Variants in GPR158 observed in about 807,000 individuals in gnomAD.
The protein encoded by GPR158 is G protein-coupled receptor 158, also known as metabotropic glycine receptor.
In GPR158, 30 loss-of-function variants were observed where a neutral mutation model predicts 78.2. The observed-to-expected ratio is 0.38, with a 90% confidence interval of 0.29 to 0.52. GPR158 has a LOEUF of 0.52. Among genes scored for constraint, GPR158 ranks in the 20% least tolerant of loss-of-function variants. The pLI, the probability that GPR158 is intolerant of heterozygous loss-of-function variation, is 0.83. For missense variants in GPR158, 1,463 were observed against 1,523.5 expected (o/e 0.96, Z 0.66); for synonymous variants, 581 against 591.1 (o/e 0.98, Z 0.25).
At chr10:25,453,810 C>T (rs1759473344) in intron 4 of GPR158, among the ~76,000 whole-genome samples, 1 of 152,136 alleles carries the variant, frequency 6.6e-6, no homozygotes, top group Non-Finnish European at 1.5e-5. Flanking sequence ...TATGCCAGTG[C>T]CATGCTGTTT....
At chr10:25,530,899 A>G (rs555789386) in intron 5 of GPR158, among the ~76,000 whole-genome samples, 11 of 152,304 alleles carry the variant, frequency 7.2e-5, no homozygotes, top group Non-Finnish European at 1.3e-4. Flanking sequence ...CCATCCGAGC[A>G]GTAGACCATG....
chr10:25,461,775 C>T (rs1419944863), intron 4 of GPR158, among the ~76,000 whole-genome samples: 2 of 150,828 alleles, frequency 1.3e-5, no homozygotes, highest in South Asian at 2.1e-4. Context: ...CTCTGTTGCC[C>T]AGGCTGGAGT....
intron 5 of GPR158, among the ~76,000 whole-genome samples, chr10:25,467,450 C>T (rs964111524): frequency 2.6e-5 from 4 of 152,064 alleles, no homozygotes; most frequent in African/African-American, 7.2e-5. Flanking sequence ...CCACAAAGGA[C>T]GACTTTGCAG....
intron 1 of GPR158, among the ~76,000 whole-genome samples, chr10:25,187,324 A>T (rs1482945089): frequency 2.6e-5 from 4 of 152,160 alleles, no homozygotes; most frequent in Admixed American, 6.5e-5. Context: ...GCAGAGACAC[A>T]ATAAAAAAAG....
intron 4 of GPR158, among the ~76,000 whole-genome samples, chr10:25,432,588 T>C (rs1237473314): frequency 6.6e-6 from 1 of 152,230 alleles, no homozygotes; most frequent in East Asian, 1.9e-4. Context: ...AAAATACTTG[T>C]AAAATACTAA....
intron 7 of GPR158, among the ~76,000 whole-genome samples, chr10:25,585,690 TG>T (rs1564497979): frequency 6.6e-6 from 1 of 152,292 alleles, no homozygotes; most frequent in East Asian, 1.9e-4. Context: ...GACCAAGATT[TG>T]GAACGGGCCA....
intron 2 of GPR158, among the ~76,000 whole-genome samples, chr10:25,265,415 C>T (rs1854032587): frequency 6.6e-6 from 1 of 152,272 alleles, no homozygotes; most frequent in East Asian, 1.9e-4. Flanking sequence ...TGGCCATGTA[C>T]AGCAGAGTTC....
Position 25,350,657 on chromosome 10 carries a change from G to A in GPR158, c.1009-45254G>A, listed in dbSNP as rs148333902. 4.9e-3 allele frequency among the ~76,000 whole-genome samples: 752 copies of A among 152,034 alleles called. 10 individuals carry two copies. The highest frequency in any genetic ancestry group is 0.017 in the African/African-American group (692 of 41,514). ...TCTCCAGGGAGGGGTGTATTGGCAG[G>A]GAAGCTATACTTTCTTATTTTCTAA... On this transcript the variant is annotated intron_variant, in intron 2 of 10. Transcript: ENST00000376351.
rs140116555 is a variant in GPR158, at chr10:25,587,642, A to T, written c.1754-1365A>T. ...GATCCAATACAACTTGGCTGGAAAC[A>T]TTCATAGCATGGCCAAGGTCCACCA... is the stretch of plus-strand genomic sequence containing the variant. On this transcript the variant is annotated intron_variant, in intron 7 of 10. Coordinates refer to ENST00000376351, the MANE Select transcript of GPR158 (RefSeq NM_020752.3). Among the ~76,000 whole-genome samples, 822 of 152,322 alleles carry T rather than the reference A, an allele frequency of 5.4e-3. 3 individuals carry two copies. The highest frequency in any genetic ancestry group is 0.019 in the African/African-American group (777 of 41,568).
intron 2 of GPR158, among the ~76,000 whole-genome samples, chr10:25,302,266 AGT>A (rs1854610115): frequency 1.6e-5 from 2 of 124,464 alleles, no homozygotes; most frequent in East Asian, 5.0e-4. Flanking sequence ...TTGTATTTTT[AGT>A]GGAGACGGAG....
At chr10:25,571,391 G>C (rs1217211098) in intron 6 of GPR158, among the ~76,000 whole-genome samples, 1 of 152,154 alleles carries the variant, frequency 6.6e-6, no homozygotes, top group Non-Finnish European at 1.5e-5. Context: ...ATATATGGAG[G>C]AAAAATATAG....
chr10:25,203,285 T>C (rs1377158864), intron 1 of GPR158, among the ~76,000 whole-genome samples: 1 of 152,222 alleles, frequency 6.6e-6, no homozygotes, highest in African/African-American at 2.4e-5. Flanking sequence ...ATTCTGGCTT[T>C]TGTTGCTATT....
At chr10:25,529,190 C>A (rs557773277) in intron 5 of GPR158, among the ~76,000 whole-genome samples, 1 of 151,928 alleles carries the variant, frequency 6.6e-6, no homozygotes, top group Admixed American at 6.6e-5. Context: ...AGATCCAGAC[C>A]GTCCTGCTAA....
At chr10:25,297,149 A>C (rs1042454691) in intron 2 of GPR158, among the ~76,000 whole-genome samples, 2 of 152,192 alleles carry the variant, frequency 1.3e-5, no homozygotes, top group African/African-American at 2.4e-5. Flanking sequence ...GATGTATTCC[A>C]TATCAGAAGA....
chr10:25,577,972 C>G (rs1297738330), intron 7 of GPR158, among the ~76,000 whole-genome samples: 1 of 152,114 alleles, frequency 6.6e-6, no homozygotes, highest in African/African-American at 2.4e-5. Flanking sequence ...TAACAAATGA[C>G]TTTTTCATCT....
At chr10:25,477,636 T>G (rs1029634087) in intron 5 of GPR158, among the ~76,000 whole-genome samples, 2 of 152,234 alleles carry the variant, frequency 1.3e-5, no homozygotes, top group Admixed American at 1.3e-4. Context: ...TCCATCTCAC[T>G]TGGTGCCCTT....
chr10:25,208,043 A>G (rs574878881), intron 1 of GPR158, among the ~76,000 whole-genome samples: 2 of 152,334 alleles, frequency 1.3e-5, no homozygotes, highest in South Asian at 4.1e-4. Context: ...TGAAAACTGG[A>G]ACGACCTAAA....
intron 2 of GPR158, among the ~76,000 whole-genome samples, chr10:25,271,161 C>T (rs1469617015): frequency 6.6e-6 from 1 of 152,190 alleles, no homozygotes; most frequent in Non-Finnish European, 1.5e-5. Context: ...TTCATTCTCT[C>T]CTTCAGTAAT....
At chr10:25,403,461 C>A (rs1226051260) in intron 3 of GPR158, among the ~76,000 whole-genome samples, 2 of 151,956 alleles carry the variant, frequency 1.3e-5, no homozygotes, top group Non-Finnish European at 2.9e-5. Context: ...GCTGCTACTG[C>A]CAAAGCTATA....
Sources: allele counts gnomAD v4.1 joint callset (sites outside exome capture counted in the v4.1 genomes callset), GRCh38; gene constraint gnomAD v4.1.1; transcripts MANE v1.5; gene names NCBI Gene and HGNC (gene_info 2026-07-23, HGNC 2026-07-21).